Variants in TTC23 observed in about 807,000 individuals in gnomAD.
TTC23 encodes the protein tetratricopeptide repeat protein 23.
TTC23 carries 58 observed loss-of-function variants against 55.1 expected under a neutral mutation model. The ratio of observed to expected loss-of-function variants is 1.05; its 90% CI spans 0.85 to 1.31. TTC23 has a LOEUF of 1.31. TTC23 is among the 50% of genes most tolerant of loss of function. The pLI, the probability that TTC23 is intolerant of heterozygous loss-of-function variation, is 0.00. For missense variants in TTC23, 516 were observed against 534.4 expected (o/e 0.97, Z 0.34); for synonymous variants, 203 against 199.9 (o/e 1.02, Z -0.13).
chr15:99,215,243 T>C (rs1225039723), intron 8 of TTC23, among the ~76,000 whole-genome samples: 3 of 152,054 alleles, frequency 2.0e-5, no homozygotes, highest in Admixed American at 1.3e-4. Context: ...CCTTTGTCAG[T>C]TGTACGTATT....
At chr15:99,196,024 C>T (rs996701054) in intron 9 of TTC23, among the ~76,000 whole-genome samples, 28 of 151,728 alleles carry the variant, frequency 1.8e-4, no homozygotes, top group Admixed American at 1.2e-3. Flanking sequence ...TGGTGGCACA[C>T]GCCTGTAATC....
chr15:99,144,258 C>G (rs923408163), intron 12 of TTC23, among the ~76,000 whole-genome samples: 1 of 152,160 alleles, frequency 6.6e-6, no homozygotes, highest in Admixed American at 6.5e-5. Flanking sequence ...TAGCCATCCT[C>G]CTAGCTGTGG....
intron 12 of TTC23, among the ~76,000 whole-genome samples, chr15:99,145,704 TTCTC>T (rs1388951126): frequency 2.0e-5 from 3 of 152,136 alleles, no homozygotes; most frequent in Non-Finnish European, 4.4e-5. Flanking sequence ...CTCTCTTTCT[TTCTC>T]TGTCTGTCCC....
At chr15:99,240,511 A>G (rs777150322) in intron 3 of TTC23, among the ~76,000 whole-genome samples, 2 of 152,360 alleles carry the variant, frequency 1.3e-5, no homozygotes, top group South Asian at 2.1e-4. Flanking sequence ...ACTTGTCAAC[A>G]CTAGATCTAT....
intron 10 of TTC23, among the ~76,000 whole-genome samples, chr15:99,172,050 C>T (rs570591175): frequency 1.3e-5 from 2 of 149,692 alleles, no homozygotes; most frequent in South Asian, 4.2e-4. Flanking sequence ...CAGAGTATTG[C>T]TGTGTTGCCC....
chr15:99,250,138 G>A (rs966550244), upstream of TTC23, among the ~76,000 whole-genome samples: 3 of 152,024 alleles, frequency 2.0e-5, no homozygotes, highest in African/African-American at 7.2e-5. Context: ...ATTAAACACC[G>A]TATCTTTGTT....
intron 3 of TTC23, among the ~76,000 whole-genome samples, chr15:99,238,728 T>G (rs973262983): frequency 6.6e-6 from 1 of 152,196 alleles, no homozygotes; most frequent in Non-Finnish European, 1.5e-5. Flanking sequence ...GGAGGGTTAT[T>G]GACAGAGGTG....
intron 12 of TTC23, among the ~76,000 whole-genome samples, chr15:99,152,932 G>A (rs1393710003): frequency 6.6e-6 from 1 of 151,956 alleles, no homozygotes; most frequent in African/African-American, 2.4e-5. Flanking sequence ...TGAGTAGCTG[G>A]GATTACAGGC....
At chr15:99,179,177 C>A (rs1341248283) in intron 9 of TTC23, among the ~76,000 whole-genome samples, 4 of 152,224 alleles carry the variant, frequency 2.6e-5, no homozygotes, top group Non-Finnish European at 4.4e-5. Flanking sequence ...AGGTTTCTGA[C>A]AAACTTACTT....
chr15:99,236,925 C>T (rs1248135657), intron 3 of TTC23, among the ~76,000 whole-genome samples: 1 of 150,816 alleles, frequency 6.6e-6, no homozygotes, highest in Admixed American at 6.6e-5. Flanking sequence ...CCATATCTGA[C>T]AGTTTCTTAC....
chr15:99,212,133 G>A (rs960999343), intron 8 of TTC23, among the ~76,000 whole-genome samples: 1 of 152,180 alleles, frequency 6.6e-6, no homozygotes, highest in Non-Finnish European at 1.5e-5. Context: ...GTGTTCGCTG[G>A]ACATGCTGTG....
intron 12 of TTC23, among the ~76,000 whole-genome samples, chr15:99,148,151 A>G (rs1222384358): frequency 6.6e-5 from 10 of 151,956 alleles, no homozygotes; most frequent in African/African-American, 2.4e-4. Flanking sequence ...TCATGAGGTC[A>G]GGAGTTTGAG....
chr15:99,172,020 ATT>A (rs368669705), intron 10 of TTC23, among the ~76,000 whole-genome samples: 17 of 138,772 alleles, frequency 1.2e-4, no homozygotes, highest in Non-Finnish European at 9.5e-5. Context: ...TGTTTCTCAC[ATT>A]TTTTTTTTTT....
At chr15:99,205,499 T>C (rs964340215) in intron 8 of TTC23, among the ~76,000 whole-genome samples, 2 of 152,100 alleles carry the variant, frequency 1.3e-5, no homozygotes, top group Non-Finnish European at 2.9e-5. Flanking sequence ...TAGAGATCTT[T>C]CACTTCTTTG....
At chr15:99,163,631 T>C (rs2071677499) in intron 10 of TTC23, among the ~76,000 whole-genome samples, 1 of 152,234 alleles carries the variant, frequency 6.6e-6, no homozygotes, top group Admixed American at 6.5e-5. Flanking sequence ...CTCAAATTCA[T>C]GTGTTGAAAT....
At chr15:99,182,840 C>A (rs1461912832) in intron 9 of TTC23, among the ~76,000 whole-genome samples, 4 of 143,856 alleles carry the variant, frequency 2.8e-5, no homozygotes, top group Admixed American at 6.9e-5. Flanking sequence ...AAAAAAAAAA[C>A]CAGTAATCTT....
intron 11 of TTC23, chr15:99,159,617 G>A: frequency 6.6e-6 from 1 of 152,400 alleles, no homozygotes; most frequent in East Asian, 1.9e-4. Context: ...AGTGTGGCAG[G>A]AACATGGATC....
chr15:99,213,019 A>T (rs1189223338), intron 8 of TTC23, among the ~76,000 whole-genome samples: 1 of 151,296 alleles, frequency 6.6e-6, no homozygotes, highest in Non-Finnish European at 1.5e-5. Context: ...GGGGGACATA[A>T]ATCCAATGAG....
chr15:99,198,211 G>A (rs1047372341), intron 9 of TTC23, among the ~76,000 whole-genome samples: 3 of 152,078 alleles, frequency 2.0e-5, no homozygotes, highest in Non-Finnish European at 4.4e-5. Context: ...CCACTTGTAC[G>A]CCTCACAGGC....
Sources: gnomAD v4.1 joint callset for allele counts (sites outside exome capture counted in the v4.1 genomes callset) on GRCh38, gnomAD v4.1.1 for gene constraint, MANE v1.5 for transcripts, NCBI Gene and HGNC (gene_info 2026-07-23, HGNC 2026-07-21) for gene names.